Variants in HERC5 observed in about 807,000 individuals in gnomAD.
HERC5 encodes the protein E3 ISG15--protein ligase HERC5.
Under a neutral mutation model 119.6 loss-of-function variants are expected in HERC5, and 99 were observed. That is an observed-to-expected ratio of 0.83 (90% CI 0.70 to 0.98). The LOEUF is 0.98. Ranked by LOEUF, HERC5 falls within the 50% of genes least tolerant of loss-of-function variation. HERC5 has a pLI of 0.00. For synonymous variants in HERC5, 478 were observed against 445.9 expected, an observed-to-expected ratio of 1.07 and a Z score of -0.91; for missense variants, 1,267 against 1,241.3, an observed-to-expected ratio of 1.02 and a Z score of -0.31.
In HERC5 at chr4:88,457,815, A is replaced by G. The variant is rs370072533; in HGVS notation, c.265+281A>G. The G allele has an allele frequency of 6.0e-4, 461 of 767,132 alleles. No individual in the cohort carries two copies. In the African/African-American group the frequency reaches 7.7e-3, roughly 13 times the overall value. 47.5% of individuals were successfully genotyped at this position (767,132 alleles called of 1,614,324 possible). A position where few individuals can be genotyped will look rare whatever the true frequency, so the allele number is the denominator to read the frequency against. On this transcript the variant is annotated intron_variant, in intron 1 of 22. Coordinates refer to ENST00000264350, the MANE Select transcript of HERC5 (RefSeq NM_016323.4). ...GGGCACCGTCTTCATCCTTTTAGCC[A>G]GTCTGGCTTTCTCATAGGTTTCTGT...
At position 88,500,986 on chromosome 4, in the gene HERC5, G is replaced by A; in HGVS notation, c.2582+1G>A. 6.2e-7 allele frequency: 1 copy of A among 1,601,010 alleles called. No homozygotes were observed. ...GCATAACTGTCAACCAGACTAACAA[G>A]TAGGTACAAAAAATGAAATAGTTGG... is the stretch of plus-strand genomic sequence containing the variant. On this transcript the variant is annotated splice_donor_variant, in intron 20 of 22. Transcript: ENST00000264350. LOFTEE classifies it high-confidence loss of function.
chr4:88,504,562 A>C lies in HERC5; in HGVS notation c.2834A>C (p.His945Pro). The C allele has an allele frequency of 6.3e-7, 1 of 1,576,442 alleles. No homozygotes were observed. The highest frequency in any genetic ancestry group is 8.6e-7 in the Non-Finnish European group (1 of 1,164,896). ...PTIVMFWKAF[H>P]KLTLEEKKKF... is the part of the protein sequence containing the mutation. ...ATAGTGATGTTTTGGAAGGCTTTCC[A>C]CAAATTGACTCTGGAAGAAAAGAAA... The change falls in exon 22 of 23, where the codon CAC becomes CCC. Residue 945 changes from histidine to proline, a missense_variant. Physicochemically the swap from His to Pro is moderately conservative, Grantham distance 77. Around this residue, in one of 3 missense-constraint regions of HERC5, gnomAD observed 473 missense variants for 445.7 expected, o/e 1.06. Transcript: ENST00000264350.
rs1740830597 is a variant in HERC5, at chr4:88,470,498, G to A, written c.1239-116G>A. 1.3e-5 allele frequency: 8 copies of A among 627,440 alleles called. No individual in the cohort carries two copies. The Admixed American group carries it at 2.0e-4, about 16-fold the overall frequency. The allele number at this position is 627,440 out of a possible 1,614,324, so 38.9% of individuals were successfully genotyped here. On this transcript the variant is annotated intron_variant, in intron 9 of 22. Coordinates refer to ENST00000264350, the MANE Select transcript of HERC5 (RefSeq NM_016323.4). ...CATACAGATAGGAGACAAATGGAGA[G>A]GTTGGAAGGATAGTTATAAGATGTG...
Position 88,504,506 on chromosome 4 carries a change from T to C in HERC5, c.2778T>C (p.Tyr926=), listed in dbSNP as rs1222898886. 1.3e-6 allele frequency: 2 copies of C among 1,577,224 alleles called. No homozygotes were observed. Among genetic ancestry groups the C allele is most frequent in the East Asian group, 2.3e-5 (1 of 44,344 alleles). ...TGTATTTTCTCTAGAATGCACGTTA[T>C]GAACCAGGATATAACAGTTCACATC... is the stretch of plus-strand genomic sequence containing the variant. The part of the protein sequence containing the change: ...DWKTFEKNAR[Y]EPGYNSSHPT... The change falls in exon 22 of 23, where the codon TAT becomes TAC. Residue 926 remains tyrosine (Y), a synonymous_variant. Coordinates refer to ENST00000264350, the MANE Select transcript of HERC5 (RefSeq NM_016323.4).
Position 88,457,541 on chromosome 4 carries a change from G to A in HERC5, c.265+7G>A. Reference sequence around the variant, plus strand: ...GGCGGCGCCCGGACGCCGAGTGAGTGGGGCTGGTGTGTGAGGGCTGTGAGG... The same window carrying A: ...GGCGGCGCCCGGACGCCGAGTGAGTAGGGCTGGTGTGTGAGGGCTGTGAGG... On this transcript the variant is annotated splice_region_variant and intron_variant, in intron 1 of 22. Coordinates refer to ENST00000264350, the MANE Select transcript of HERC5 (RefSeq NM_016323.4). 2.4e-6 allele frequency: 3 copies of A among 1,264,372 alleles called. No individual in the cohort carries two copies. The highest frequency in any genetic ancestry group is 3.0e-6 in the Non-Finnish European group (3 of 1,004,300). 78.3% of individuals were successfully genotyped at this position (1,264,372 alleles called of 1,614,324 possible).
chr4:88,492,868 T>C, intron 16 of HERC5, 144 bp from the exon 17 acceptor site: 1 of 606,922 alleles, frequency 1.6e-6, no homozygotes, highest in Non-Finnish European at 2.7e-6. Context: ...TTAAATATGA[T>C]AATATAAGTA....
intron 3 of HERC5, among the ~76,000 whole-genome samples, chr4:88,460,390 A>G (rs899609297): frequency 3.3e-5 from 5 of 152,180 alleles, no homozygotes; most frequent in Admixed American, 2.6e-4. Context: ...ATTTGGTTTC[A>G]TGTTTTTATT....
chr4:88,494,216 T>A lies in HERC5; in HGVS notation c.2329T>A (p.Ser777Thr). ...CTTTTTTGGGGTTCTATGTGGACTTTCCCTGTTCAATTGCAATGTTGCCAA... is the reference window on the plus strand; with the variant it reads ...CTTTTTTGGGGTTCTATGTGGACTTACCCTGTTCAATTGCAATGTTGCCAA... ...YFFFGVLCGL[S>T]LFNCNVANLP... The change falls in exon 18 of 23, where the codon TCC becomes ACC. Residue 777 changes from serine (S) to threonine (T), a missense_variant. By Grantham distance (58) the Ser-to-Thr change is moderately conservative. Around this residue, in one of 3 missense-constraint regions of HERC5, gnomAD observed 473 missense variants for 445.7 expected, o/e 1.06. Coordinates refer to ENST00000264350, the MANE Select transcript of HERC5 (RefSeq NM_016323.4). The A allele has an allele frequency of 1.2e-6, 2 of 1,613,718 alleles. No homozygotes were observed. The highest frequency in any genetic ancestry group is 1.1e-5 in the South Asian group (1 of 91,026).
chr4:88,459,848 T>G (rs1330845701), intron 2 of HERC5, among the ~76,000 whole-genome samples: 3 of 152,228 alleles, frequency 2.0e-5, no homozygotes, highest in Non-Finnish European at 4.4e-5. Context: ...GAACTCATTT[T>G]CATCTTGCAT....
In HERC5 at chr4:88,493,072, T is replaced by TA. The variant is rs1309914564; in HGVS notation, c.2194_2195insA (p.Cys732Ter). 1 of 1,613,982 alleles carries TA rather than the reference T, an allele frequency of 6.2e-7. No individual in the cohort carries two copies. Among genetic ancestry groups the TA allele is most frequent in the Non-Finnish European group, 8.5e-7 (1 of 1,179,966 alleles). The stretch of plus-strand genomic sequence containing the variant: ...AGGAGTCAAGAAAGAGTTCTTCTAC[T>TA]GTCTGTTTGCAGAGATGATCCAGCC... ...LGGVKKEFFY[C>*]LFAEMIQPEY... Residue 732 changes from cysteine to a stop codon, truncating the protein, a stop_gained and frameshift_variant, in exon 17 of 23, where the codon TGT becomes TAGT. Coordinates refer to ENST00000264350, the MANE Select transcript of HERC5 (RefSeq NM_016323.4). LOFTEE classifies it high-confidence loss of function.
chr4:88,458,662 A>T (rs768034556), intron 1 of HERC5, among the ~76,000 whole-genome samples: 1 of 152,158 alleles, frequency 6.6e-6, no homozygotes, highest in Non-Finnish European at 1.5e-5. Flanking sequence ...ACACGAATAG[A>T]TTCTATTTCA....
At chr4:88,499,475 TTGA>T (rs975546051) in intron 18 of HERC5, among the ~76,000 whole-genome samples, 2 of 152,206 alleles carry the variant, frequency 1.3e-5, no homozygotes, top group African/African-American at 4.8e-5. Flanking sequence ...TTTCTTAAGC[TTGA>T]TGATATTGGG....
intron 2 of HERC5, 57 bp downstream of exon 2, chr4:88,459,527 T>A: frequency 2.7e-6 from 3 of 1,114,414 alleles, no homozygotes; most frequent in Middle Eastern, 2.5e-4. Flanking sequence ...CAATAATAAT[T>A]TCTGTAGGAA....
chr4:88,471,773 C>T (rs915970638), intron 10 of HERC5, among the ~76,000 whole-genome samples: 15 of 152,190 alleles, frequency 9.9e-5, no homozygotes, highest in Admixed American at 3.3e-4. Flanking sequence ...TTGGTTCCCA[C>T]TTTTCAGTCC....
At chr4:88,495,351 C>T (rs1159455769) in intron 18 of HERC5, among the ~76,000 whole-genome samples, 1 of 152,100 alleles carries the variant, frequency 6.6e-6, no homozygotes, top group Non-Finnish European at 1.5e-5. Flanking sequence ...GAGTTTGAGA[C>T]CTGCCTGACC....
Position 88,479,472 on chromosome 4 carries a change from CA to C in HERC5, c.1704del (p.Ala569LeufsTer3). 2 of 1,609,994 alleles carry C rather than the reference CA, an allele frequency of 1.2e-6. No homozygotes were observed. The highest frequency in any genetic ancestry group is 1.7e-6 in the Non-Finnish European group (2 of 1,178,844). On this transcript the variant is annotated frameshift_variant, in exon 13 of 23. Coordinates refer to ENST00000264350, the MANE Select transcript of HERC5 (RefSeq NM_016323.4). LOFTEE classifies it high-confidence loss of function. Reference protein sequence around the residue: ...DESAEENGNVQALLEMLKKLH... With the variant: ...DESAEENGNVXALLEMLKKLH... ...AAGTGCTGAGGAGAATGGTAATGTT[CA>C]AGCTCTCCTAGAAATGTTGAAGAAG...
intron 11 of HERC5, among the ~76,000 whole-genome samples, chr4:88,472,747 A>G (rs1160375646): frequency 6.6e-6 from 1 of 152,234 alleles, no homozygotes; most frequent in African/African-American, 2.4e-5. Context: ...ATACACATAT[A>G]TGCATACACA....
rs765480719 is a variant in HERC5 at position 88,459,452 on chromosome 4, A to C, written c.371A>C (p.Tyr124Ser). The C allele has an allele frequency of 1.8e-5, 28 of 1,563,204 alleles. No individual in the cohort carries two copies. Among genetic ancestry groups the C allele is most frequent in the Non-Finnish European group, 2.4e-5 (28 of 1,158,324 alleles). ...GGAAAACCATTTGAGTATGACAACT[A>C]TAGCATGAAACATCTAAGGTAGGGA... Reference protein sequence around the residue: ...SDGKPFEYDNYSMKHLRFESI... With the variant: ...SDGKPFEYDNSSMKHLRFESI... Residue 124 changes from tyrosine (Y) to serine (S), a missense_variant, in exon 2 of 23, where the codon TAT (tyrosine) becomes TCT (serine). Transcript: ENST00000264350.
chr4:88,498,254 G>A (rs1741853147), intron 18 of HERC5, among the ~76,000 whole-genome samples: 1 of 152,150 alleles, frequency 6.6e-6, no homozygotes. Flanking sequence ...GACCCGAGAA[G>A]AGCCACCAGT....
Sources: gnomAD v4.1 joint callset for allele counts (sites outside exome capture counted in the v4.1 genomes callset) on GRCh38, gnomAD v4.1.1 for gene constraint, gnomAD v4.1.1 regional missense constraint, MANE v1.5 for transcripts, NCBI Gene and HGNC (gene_info 2026-07-23, HGNC 2026-07-21) for gene names.